The following KCMF1 variants were observed in gnomAD, a reference collection of about 807,000 sequenced individuals.
KCMF1 encodes E3 ubiquitin-protein ligase KCMF1.
In KCMF1, 3 loss-of-function variants were observed where a neutral mutation model predicts 41.1. The ratio of observed to expected loss-of-function variants is 0.07; its 90% CI spans 0.03 to 0.19. The LOEUF (loss-of-function observed/expected upper bound fraction) is 0.19. Ranked by LOEUF, KCMF1 falls within the 10% of genes least tolerant of loss-of-function variation. KCMF1 has a pLI of 1.00. For missense variants in KCMF1, 286 were observed against 488.9 expected, an observed-to-expected ratio of 0.58 and a Z score of 3.91; for synonymous variants, 142 against 164.5, an observed-to-expected ratio of 0.86 and a Z score of 1.04.
At chr2:85,011,086 C>T (rs924601696) in intron 1 of KCMF1, among the ~76,000 whole-genome samples, 1 of 152,112 alleles carries the variant, frequency 6.6e-6, no homozygotes, top group African/African-American at 2.4e-5. Context: ...TTGTGATGTG[C>T]CTGCCTCACT....
At chr2:85,044,441 C>A (rs1006044369) in intron 4 of KCMF1, among the ~76,000 whole-genome samples, 5 of 151,976 alleles carry the variant, frequency 3.3e-5, no homozygotes, top group African/African-American at 1.2e-4. Flanking sequence ...ATGGTGCTAT[C>A]TTCAGCTTAT....
At chr2:85,048,580 G>T (rs1405987490) in intron 5 of KCMF1, among the ~76,000 whole-genome samples, 2 of 152,218 alleles carry the variant, frequency 1.3e-5, no homozygotes, top group Non-Finnish European at 2.9e-5. Context: ...TATAAGCGAG[G>T]TGGACCCTCC....
At chr2:85,024,573 AGAGAGAGAGAGT>A (rs1404669413) in intron 1 of KCMF1, among the ~76,000 whole-genome samples, 18 of 142,736 alleles carry the variant, frequency 1.3e-4, no homozygotes, top group East Asian at 4.5e-4. Flanking sequence ...AGAGAGAGAG[AGAGAGAGAGAGT>A]GTGTGTGTGT....
intron 1 of KCMF1, among the ~76,000 whole-genome samples, chr2:84,975,316 G>A (rs756888158): frequency 1.3e-5 from 2 of 152,240 alleles, no homozygotes; most frequent in Middle Eastern, 3.4e-3. Context: ...CTAGACTGGC[G>A]CTTTAGAGAG....
chr2:85,009,267 T>C (rs915154463), intron 1 of KCMF1, among the ~76,000 whole-genome samples: 1 of 152,154 alleles, frequency 6.6e-6, no homozygotes, highest in African/African-American at 2.4e-5. Flanking sequence ...AGGTGTCTGC[T>C]TCCCCTTCAC....
At chr2:85,043,303 C>G (rs974563287) in intron 3 of KCMF1, among the ~76,000 whole-genome samples, 1 of 152,058 alleles carries the variant, frequency 6.6e-6, no homozygotes, top group Non-Finnish European at 1.5e-5. Context: ...TTTGCTAGAC[C>G]ATACAAATGA....
At chr2:84,988,969 C>A (rs1452904162) in intron 1 of KCMF1, among the ~76,000 whole-genome samples, 2 of 152,154 alleles carry the variant, frequency 1.3e-5, no homozygotes, top group Admixed American at 1.3e-4. Flanking sequence ...ATTTGAATTT[C>A]ATATAATTTT....
chr2:84,998,296 T>C (rs568207804), intron 1 of KCMF1, among the ~76,000 whole-genome samples: 1 of 152,108 alleles, frequency 6.6e-6, no homozygotes, highest in East Asian at 1.9e-4. Flanking sequence ...GGTTTCACCA[T>C]GTTAGCCAGG....
intron 1 of KCMF1, among the ~76,000 whole-genome samples, chr2:84,997,543 A>G (rs865917979): frequency 6.6e-6 from 1 of 152,112 alleles, no homozygotes. Context: ...GGAAGGCATC[A>G]TATTAGGAAA....
chr2:85,008,504 A>ATT (rs967288169), intron 1 of KCMF1, among the ~76,000 whole-genome samples: 3 of 147,174 alleles, frequency 2.0e-5, no homozygotes, highest in Non-Finnish European at 4.5e-5. Flanking sequence ...ATTTAGCAGC[A>ATT]TTTCAGCACT....
chr2:84,983,348 A>G (rs888109031), intron 1 of KCMF1, among the ~76,000 whole-genome samples: 4 of 151,824 alleles, frequency 2.6e-5, no homozygotes, highest in African/African-American at 9.7e-5. Flanking sequence ...TTTTTAAGAG[A>G]CAGAGTCTCA....
At chr2:85,013,076 G>A (rs901098230) in intron 1 of KCMF1, among the ~76,000 whole-genome samples, 8 of 152,120 alleles carry the variant, frequency 5.3e-5, no homozygotes, top group African/African-American at 1.9e-4. Context: ...TACTTCCCCA[G>A]CTAGAACAAG....
At chr2:85,042,047 C>T (rs974895682) in intron 3 of KCMF1, among the ~76,000 whole-genome samples, 1 of 152,182 alleles carries the variant, frequency 6.6e-6, no homozygotes, top group African/African-American at 2.4e-5. Flanking sequence ...ATCTGACCAC[C>T]TTCCTGGCAT....
chr2:85,057,365 G>A lies in KCMF1; in HGVS notation c.*3956G>A, dbSNP rs1365314190. On this transcript the variant is annotated 3_prime_UTR_variant, in exon 7 of 7. Coordinates refer to ENST00000409785, the MANE Select transcript of KCMF1 (RefSeq NM_020122.5). Reference sequence around the variant, plus strand: ...GTGGGCAGGTGGAAGGGAAGAGGCTGGGGAGGAGCCTCTCATCTCATCTCA... The same window carrying A: ...GTGGGCAGGTGGAAGGGAAGAGGCTAGGGAGGAGCCTCTCATCTCATCTCA... 1 of 152,158 alleles carries A rather than the reference G, an allele frequency of 6.6e-6. No homozygotes were observed. The highest frequency in any genetic ancestry group is 2.4e-5 in the African/African-American group (1 of 41,392). 9.4% of individuals were successfully genotyped at this position (152,158 alleles called of 1,614,324 possible).
intron 3 of KCMF1, among the ~76,000 whole-genome samples, chr2:85,040,332 C>T (rs1675497803): frequency 6.6e-6 from 1 of 152,052 alleles, no homozygotes; most frequent in Non-Finnish European, 1.5e-5. Flanking sequence ...TAAAGTTACC[C>T]TTTGTGTCGA....
Position 84,971,476 on chromosome 2 carries a change from AGCCCCC to A in KCMF1, c.16+16_16+21del. 7.9e-7 allele frequency: 1 copy of A among 1,268,762 alleles called. No homozygotes were observed. Among genetic ancestry groups the A allele is most frequent in the Non-Finnish European group, 1.0e-6 (1 of 984,598 alleles). 78.6% of individuals were successfully genotyped at this position (1,268,762 alleles called of 1,614,324 possible). On this transcript the variant is annotated intron_variant, in intron 1 of 6. Coordinates refer to ENST00000409785, the MANE Select transcript of KCMF1 (RefSeq NM_020122.5). ...GATGTCCCGACATGAAGGTGAGAGGAGCCCCCGCCCCCACCCGCACCTCCCGGGCCT... is the reference window on the plus strand; with the variant it reads ...GATGTCCCGACATGAAGGTGAGAGGAGCCCCCACCCGCACCTCCCGGGCCT...
chr2:84,974,408 T>C (rs1286927000), intron 1 of KCMF1, among the ~76,000 whole-genome samples: 1 of 151,884 alleles, frequency 6.6e-6, no homozygotes, highest in Non-Finnish European at 1.5e-5. Flanking sequence ...AGTCCTGAGA[T>C]GGACACCTGT....
chr2:85,044,719 A>C (rs1232725709), intron 4 of KCMF1, among the ~76,000 whole-genome samples: 1 of 152,062 alleles, frequency 6.6e-6, no homozygotes, highest in Non-Finnish European at 1.5e-5. Context: ...GGGTTTCACC[A>C]TGTTGGCCAG....
At chr2:85,015,461 A>G (rs1208890012) in intron 1 of KCMF1, among the ~76,000 whole-genome samples, 1 of 152,210 alleles carries the variant, frequency 6.6e-6, no homozygotes, top group Non-Finnish European at 1.5e-5. Flanking sequence ...TCCTAAGCTC[A>G]CTCATGAGCA....
Sources: gnomAD v4.1 joint callset for allele counts (sites outside exome capture counted in the v4.1 genomes callset) on GRCh38, gnomAD v4.1.1 for gene constraint, MANE v1.5 for transcripts, NCBI Gene and HGNC (gene_info 2026-07-23, HGNC 2026-07-21) for gene names.